Variants in ASAP2 observed in about 807,000 individuals in gnomAD.
ASAP2 encodes the protein ArfGAP with SH3 domain, ankyrin repeat and PH domain 2, also known as arf-GAP with SH3 domain, ANK repeat and PH domain-containing protein 2.
Under a neutral mutation model 131.4 loss-of-function variants are expected in ASAP2, and 45 were observed. That is an observed-to-expected ratio of 0.34 (90% CI 0.27 to 0.44). The LOEUF (loss-of-function observed/expected upper bound fraction) is 0.44. ASAP2 is among the 20% of genes least tolerant of loss of function. The probability of loss-of-function intolerance (pLI) is 1.00; values close to 1 mark genes in which losing one functional copy is unlikely to be tolerated. For missense variants in ASAP2, 1,011 were observed against 1,297.0 expected, an observed-to-expected ratio of 0.78 and a Z score of 3.39; for synonymous variants, 510 against 503.0, an observed-to-expected ratio of 1.01 and a Z score of -0.19.
At chr2:9,387,073 GT>G (rs1194434378) in intron 21 of ASAP2, among the ~76,000 whole-genome samples, 18 of 137,006 alleles carry the variant, frequency 1.3e-4, no homozygotes, top group Admixed American at 4.9e-4. Flanking sequence ...GGGCTTGGTG[GT>G]GGGTGGGGGG....
intron 24 of ASAP2, 169 bp from the exon 25 acceptor site, chr2:9,399,854 G>T: frequency 1.5e-6 from 1 of 660,794 alleles, no homozygotes; most frequent in Non-Finnish European, 2.6e-6. Flanking sequence ...CTTTCCTCAG[G>T]GCCTCTCATT....
Position 9,403,262 on chromosome 2 carries a change from A to G in ASAP2, c.2956A>G (p.Ile986Val), listed in dbSNP as rs761976416. 7 of 1,614,078 alleles carry G rather than the reference A, an allele frequency of 4.3e-6. No individual in the cohort carries two copies. The highest frequency in any genetic ancestry group is 1.1e-5 in the South Asian group (1 of 91,066). The part of the protein sequence containing the change: ...EEDQEWWIGH[I>V]DGDPGRKGAF... ...CTTTTCTCCATTTCAGATTGGCCAC[A>G]TTGATGGAGATCCTGGTCGCAAAGG... The change falls in exon 28 of 28, where the codon ATT becomes GTT. Residue 986 changes from isoleucine (I) to valine (V), a missense_variant. Physicochemically the swap from Ile to Val is conservative, Grantham distance 29. Transcript: ENST00000281419.
chr2:9,377,739 T>G (rs1305737464), intron 18 of ASAP2, among the ~76,000 whole-genome samples: 1 of 152,154 alleles, frequency 6.6e-6, no homozygotes, highest in African/African-American at 2.4e-5. Context: ...CATGGGATAG[T>G]TTGCATTTTG....
Position 9,401,281 on chromosome 2 carries a change from T to G in ASAP2, c.2831T>G (p.Leu944Trp). ...PMPRKSQATKLKPKRVKALYN... is the reference protein window; with the variant it reads ...PMPRKSQATKWKPKRVKALYN... ...TTCCCTCTCCTGACCCAGACCAAGT[T>G]GAAGCCTAAGCGGGTGAAAGCGCTC... The change falls in exon 27 of 28, where the codon TTG (leucine) becomes TGG (tryptophan). Residue 944 changes from leucine (L) to tryptophan (W), a missense_variant. Leu to Trp is a moderately conservative substitution (Grantham distance 61, BLOSUM62 -2). Around this residue, in one of 2 missense-constraint regions of ASAP2, gnomAD observed 652 missense variants for 698.9 expected, o/e 0.93. Transcript: ENST00000281419. 6.2e-7 allele frequency: 1 copy of G among 1,613,454 alleles called. No individual in the cohort carries two copies. The highest frequency in any genetic ancestry group is 8.5e-7 in the Non-Finnish European group (1 of 1,179,898).
Position 9,277,463 on chromosome 2 carries a change from C to T in ASAP2, c.127-1854C>T, listed in dbSNP as rs190754912. ...TCAGAGATAACCACTTGGGAAAATA[C>T]GAGTTAACTCCATATAAGAAATCTT... On this transcript the variant is annotated intron_variant, in intron 1 of 27. Coordinates refer to ENST00000281419, the MANE Select transcript of ASAP2 (RefSeq NM_003887.3). 3.3e-5 allele frequency among the ~76,000 whole-genome samples: 5 copies of T among 152,248 alleles called. No individual in the cohort carries two copies. In the East Asian group the frequency reaches 5.8e-4, roughly 18 times the overall value.
intron 1 of ASAP2, among the ~76,000 whole-genome samples, chr2:9,254,685 C>G (rs944936613): frequency 6.6e-6 from 1 of 151,266 alleles, no homozygotes; most frequent in Admixed American, 6.6e-5. Flanking sequence ...ATAAACTAAA[C>G]TTTATCAGAG....
At chr2:9,323,348 A>G in intron 6 of ASAP2, 98 bp downstream of exon 6, 4 of 1,513,992 alleles carry the variant, frequency 2.6e-6, no homozygotes, top group Non-Finnish European at 3.6e-6. Flanking sequence ...TTCAGAGAAA[A>G]CACCACATGC....
At chr2:9,375,524 C>G (rs1244663608) in intron 17 of ASAP2, among the ~76,000 whole-genome samples, 1 of 152,208 alleles carries the variant, frequency 6.6e-6, no homozygotes, top group Non-Finnish European at 1.5e-5. Context: ...TCCATTACCT[C>G]ACAGGCTCAT....
chr2:9,251,360 A>C (rs569994559), intron 1 of ASAP2, among the ~76,000 whole-genome samples: 1 of 152,154 alleles, frequency 6.6e-6, no homozygotes, highest in African/African-American at 2.4e-5. Flanking sequence ...CTCACGTGTA[A>C]CAGCCTTAGG....
At chr2:9,263,316 C>A (rs972613783) in intron 1 of ASAP2, among the ~76,000 whole-genome samples, 1 of 152,222 alleles carries the variant, frequency 6.6e-6, no homozygotes, top group Non-Finnish European at 1.5e-5. Flanking sequence ...GCCAGGCCCC[C>A]TTGTGCCACT....
intron 3 of ASAP2, 87 bp from the exon 4 acceptor site, chr2:9,318,437 C>A: frequency 1.0e-6 from 1 of 976,322 alleles, no homozygotes; most frequent in South Asian, 1.4e-5. Context: ...GAATCATTAT[C>A]AAATGTTCTC....
intron 9 of ASAP2, among the ~76,000 whole-genome samples, chr2:9,342,987 C>G (rs1000363712): frequency 6.6e-6 from 1 of 152,204 alleles, no homozygotes; most frequent in Non-Finnish European, 1.5e-5. Flanking sequence ...TGCTCTTGTT[C>G]TCAGCTTCCA....
chr2:9,222,818 A>C (rs1182638043), intron 1 of ASAP2, among the ~76,000 whole-genome samples: 2 of 152,152 alleles, frequency 1.3e-5, no homozygotes, highest in Middle Eastern at 3.4e-3. Context: ...CCTTCCTTCC[A>C]TTGTCTACAC....
chr2:9,370,836 C>T (rs1408132176), intron 16 of ASAP2, among the ~76,000 whole-genome samples: 7 of 152,234 alleles, frequency 4.6e-5, no homozygotes, highest in Middle Eastern at 6.8e-3. Context: ...TCTTCCTGGG[C>T]GAGCCTGAGG....
chr2:9,241,746 A>G (rs1240589231), intron 1 of ASAP2, among the ~76,000 whole-genome samples: 1 of 152,208 alleles, frequency 6.6e-6, no homozygotes, highest in Non-Finnish European at 1.5e-5. Flanking sequence ...AACTCCTCCA[A>G]CATTAGTGAG....
At chr2:9,248,883 G>A (rs1405196893) in intron 1 of ASAP2, among the ~76,000 whole-genome samples, 1 of 152,178 alleles carries the variant, frequency 6.6e-6, no homozygotes, top group African/African-American at 2.4e-5. Flanking sequence ...GTGGCAACGA[G>A]GCTGGCTCTG....
At chr2:9,273,136 G>A (rs1421193796) in intron 1 of ASAP2, among the ~76,000 whole-genome samples, 2 of 152,160 alleles carry the variant, frequency 1.3e-5, no homozygotes, top group Non-Finnish European at 2.9e-5. Context: ...ATCGTTCTGG[G>A]TAGTATGGAC....
At chr2:9,308,766 G>A (rs950206356) in intron 3 of ASAP2, among the ~76,000 whole-genome samples, 2 of 152,184 alleles carry the variant, frequency 1.3e-5, no homozygotes, top group Admixed American at 6.5e-5. Flanking sequence ...TGGAGGCAAC[G>A]TGGATGACTC....
intron 1 of ASAP2, among the ~76,000 whole-genome samples, chr2:9,235,388 G>A (rs1309922036): frequency 2.0e-5 from 3 of 152,158 alleles, no homozygotes; most frequent in Non-Finnish European, 4.4e-5. Context: ...TGGCACCCCA[G>A]CCCTTCCCTT....
Sources: gnomAD v4.1 joint callset for allele counts (sites outside exome capture counted in the v4.1 genomes callset) on GRCh38, gnomAD v4.1.1 for gene constraint, gnomAD v4.1.1 regional missense constraint, MANE v1.5 for transcripts, NCBI Gene and HGNC (gene_info 2026-07-23, HGNC 2026-07-21) for gene names.